SAFB: variants seen among roughly 807,000 people sequenced by gnomAD.
SAFB encodes the protein scaffold attachment factor B1.
SAFB carries 15 observed loss-of-function variants against 101.6 expected under a neutral mutation model. The observed-to-expected ratio is 0.15, with a 90% confidence interval of 0.10 to 0.23. The LOEUF is 0.23. SAFB is among the 10% of genes least tolerant of loss of function. The pLI is 1.00. For synonymous variants in SAFB, 449 were observed against 407.5 expected (o/e 1.10, Z -1.23); for missense variants, 930 against 1,104.1 (o/e 0.84, Z 2.23).
intron 2 of SAFB, among the ~76,000 whole-genome samples, chr19:5,639,420 C>T (rs769566600): frequency 2.4e-4 from 37 of 152,120 alleles, no homozygotes; most frequent in Admixed American, 2.0e-4. Flanking sequence ...GGCCAGGGCG[C>T]GGTGGCTCAT....
intron 9 of SAFB, 37 bp from the exon 10 acceptor site, chr19:5,653,078 T>C: frequency 6.2e-7 from 1 of 1,611,596 alleles, no homozygotes; most frequent in South Asian, 1.1e-5. Flanking sequence ...CTCAGTGGGC[T>C]TCATGTCTGA....
At position 5,635,769 on chromosome 19, in the gene SAFB, C is replaced by T. The variant is rs369678751; in HGVS notation, c.275-5825C>T. ...TCCCAGGCAGGGAGCTACGAGCAGG[C>T]GATAGAGGCGATGACGGTCATGCCC... On this transcript the variant is annotated intron_variant, in intron 2 of 20. Coordinates refer to ENST00000588852, the MANE Select transcript of SAFB (RefSeq NM_001201338.2). Among the ~76,000 whole-genome samples the T allele has an allele frequency of 2.2e-4, 34 of 152,058 alleles. No homozygotes were observed. In the East Asian group the frequency reaches 2.5e-3, roughly 11 times the overall value.
Position 5,653,757 on chromosome 19 carries a change from C to T in SAFB, c.1527-304C>T, listed in dbSNP as rs1188042602. 3.3e-5 allele frequency among the ~76,000 whole-genome samples: 5 copies of T among 150,574 alleles called. No individual in the cohort carries two copies. In the East Asian group the frequency reaches 9.9e-4, roughly 30 times the overall value. ...GGATTACAGGCGTGAGCCACCATGC[C>T]TGGCCGGGGCAGGGTGTTTTAAACA... On this transcript the variant is annotated intron_variant, in intron 11 of 20. Coordinates refer to ENST00000588852, the MANE Select transcript of SAFB (RefSeq NM_001201338.2).
At chr19:5,648,754 G>T (rs1206960495) in intron 6 of SAFB, 1 of 706,346 alleles carries the variant, frequency 1.4e-6, no homozygotes, top group Admixed American at 2.2e-5. Context: ...AGGTTTTGGG[G>T]GTTAAATCTC....
At chr19:5,645,262 T>G in intron 4 of SAFB, 75 bp from the exon 5 acceptor site, 2 of 691,912 alleles carry the variant, frequency 2.9e-6, no homozygotes, top group Non-Finnish European at 5.2e-6. Flanking sequence ...CTGTTCACTT[T>G]TCATTGTACA....
At chr19:5,655,726 GTAT>G (rs1328484791) in intron 13 of SAFB, among the ~76,000 whole-genome samples, 1 of 152,164 alleles carries the variant, frequency 6.6e-6, no homozygotes, top group African/African-American at 2.4e-5. Context: ...CTGTGTGCCA[GTAT>G]TATAATATGT....
rs1217794654 is a variant in SAFB at position 5,663,604 on chromosome 19, C to T, written c.2154-418C>T. On this transcript the variant is annotated intron_variant, in intron 15 of 20. Coordinates refer to ENST00000588852, the MANE Select transcript of SAFB (RefSeq NM_001201338.2). ...GTTCATTATGGTCATCTGTGTATTG[C>T]AGCAGTACATGGCCAGGGCTGCTGG... Among the ~76,000 whole-genome samples the T allele has an allele frequency of 4.6e-5, 7 of 151,470 alleles. No homozygotes were observed. In the East Asian group the frequency reaches 1.4e-3, roughly 29 times the overall value.
chr19:5,628,913 G>T (rs1214247172), intron 2 of SAFB, among the ~76,000 whole-genome samples: 2 of 152,142 alleles, frequency 1.3e-5, no homozygotes, highest in African/African-American at 4.8e-5. Flanking sequence ...GCAAATACTT[G>T]TACTACAGGC....
Position 5,667,756 on chromosome 19 carries a change from A to T in SAFB, c.2558-64A>T, listed in dbSNP as rs2054366578. Reference sequence around the variant, plus strand: ...TCACCAAAGGGAGTGGAGTGGGCTAAATGTGCCGTGGGTTCCACGCCGTGT... The same window carrying T: ...TCACCAAAGGGAGTGGAGTGGGCTATATGTGCCGTGGGTTCCACGCCGTGT... On this transcript the variant is annotated intron_variant, in intron 19 of 20. Coordinates refer to ENST00000588852, the MANE Select transcript of SAFB (RefSeq NM_001201338.2). The surrounding 1 kb of genome is among the most constrained non-coding windows in gnomAD (Gnocchi z 4.0). The T allele has an allele frequency of 6.4e-7, 1 of 1,550,800 alleles. No individual in the cohort carries two copies. The highest frequency in any genetic ancestry group is 1.4e-5 in the African/African-American group (1 of 73,534).
At chr19:5,655,710 C>T (rs1005633980) in intron 13 of SAFB, among the ~76,000 whole-genome samples, 1 of 152,114 alleles carries the variant, frequency 6.6e-6, no homozygotes, top group Non-Finnish European at 1.5e-5. Context: ...TAGGAGCTTT[C>T]AGTCTCTGTG....
At position 5,623,256 on chromosome 19, in the gene SAFB, G is replaced by A. The variant is rs149144520; in HGVS notation, c.51G>A (p.Ala17=). 455 of 1,577,810 alleles carry A rather than the reference G, an allele frequency of 2.9e-4. 3 individuals are homozygous for A. In the African/African-American group the frequency reaches 5.5e-3, roughly 19 times the overall value. The change falls in exon 1 of 21, where the codon GCG becomes GCA. Residue 17 remains alanine, a synonymous_variant. Transcript: ENST00000588852. ...GTGATTCTGGAGCGGCGGGCGCGGCGGCTCTGAGCTCCGCCTCGTCAGAGA... is the reference window on the plus strand; with the variant it reads ...GTGATTCTGGAGCGGCGGGCGCGGCAGCTCTGAGCTCCGCCTCGTCAGAGA... ...GLGDSGAAGA[A]ALSSASSETG... is the part of the protein sequence containing the mutation.
At chr19:5,625,532 A>G (rs2053339067) in intron 1 of SAFB, among the ~76,000 whole-genome samples, 1 of 152,250 alleles carries the variant, frequency 6.6e-6, no homozygotes, top group Non-Finnish European at 1.5e-5. Flanking sequence ...AGTACATGAA[A>G]TGATGTAAAC....
intron 2 of SAFB, among the ~76,000 whole-genome samples, chr19:5,635,181 G>A (rs971107941): frequency 1.3e-5 from 2 of 152,082 alleles, no homozygotes; most frequent in African/African-American, 4.8e-5. Flanking sequence ...TCCTACATTG[G>A]CAAGGGTATT....
At chr19:5,630,105 T>C (rs534125139) in intron 2 of SAFB, among the ~76,000 whole-genome samples, 36 of 152,362 alleles carry the variant, frequency 2.4e-4, no homozygotes, top group African/African-American at 8.7e-4. Context: ...TGACGGTGCC[T>C]ATTTCACTAA....
chr19:5,651,011 G>C lies in SAFB; in HGVS notation c.1232G>C (p.Ser411Thr). The change falls in exon 9 of 21, where the codon AGT (serine) becomes ACT (threonine). Residue 411 changes from serine to threonine, a missense_variant. Around this residue, in one of 7 missense-constraint regions of SAFB, gnomAD observed 68 missense variants for 122.1 expected, o/e 0.56. Transcript: ENST00000588852. ...RSSCGRNFWV[S>T]GLSSTTRATD... ...AGTTGTGGTAGAAATTTCTGGGTTA[G>C]TGGACTCTCTTCTACAACCAGAGCT... 6.2e-7 allele frequency: 1 copy of C among 1,609,452 alleles called. No homozygotes were observed. The highest frequency in any genetic ancestry group is 8.5e-7 in the Non-Finnish European group (1 of 1,177,602).
rs769267323 is a variant in SAFB, at chr19:5,664,019, C to A, written c.2154-3C>A. On this transcript the variant is annotated splice_polypyrimidine_tract_variant and splice_region_variant and intron_variant, in intron 15 of 20. Transcript: ENST00000588852. ...TCTATCTCTGTCTCATGTCCCCTCA[C>A]AGGCGAGATGATGCCTATTGGCCGG... 1.9e-6 allele frequency: 3 copies of A among 1,613,472 alleles called. No individual in the cohort carries two copies. The highest frequency in any genetic ancestry group is 2.5e-6 in the Non-Finnish European group (3 of 1,179,778).
chr19:5,653,180 G>T lies in SAFB; in HGVS notation c.1359G>T (p.Thr453=), dbSNP rs1199546779. 5.0e-6 allele frequency: 8 copies of T among 1,613,976 alleles called. No individual in the cohort carries two copies. The highest frequency in any genetic ancestry group is 1.7e-5 in the Admixed American group (1 of 59,992). The change falls in exon 10 of 21, where the codon ACG becomes ACT. Residue 453 remains threonine, a synonymous_variant. Transcript: ENST00000588852. Reference sequence around the variant, plus strand: ...GAGCTCGCTGTTACGGTTTTGTCACGATGTCCACAGCAGAAGAGGCCACAA... The same window carrying T: ...GAGCTCGCTGTTACGGTTTTGTCACTATGTCCACAGCAGAAGAGGCCACAA... ...SPGARCYGFV[T]MSTAEEATKC... is the part of the protein sequence containing the mutation.
chr19:5,658,442 C>T (rs1015014788), intron 14 of SAFB, among the ~76,000 whole-genome samples: 3 of 152,350 alleles, frequency 2.0e-5, no homozygotes, highest in African/African-American at 7.2e-5. Context: ...TCTCACATCT[C>T]AGCACTTCGG....
In SAFB at chr19:5,626,516, C is replaced by G. The variant is rs368697139; in HGVS notation, c.274+27C>G. 203 of 1,316,426 alleles carry G rather than the reference C, an allele frequency of 1.5e-4. 1 individual carries two copies. Among genetic ancestry groups the G allele is most frequent in the Non-Finnish European group, 1.9e-4 (169 of 911,966 alleles). 81.5% of individuals were successfully genotyped at this position (1,316,426 alleles called of 1,614,324 possible). ...TATGGAGGATTTCATAAGCAAGTTT[C>G]ATGTTAAGTGCTTTCTTCAAAACGA... is the stretch of plus-strand genomic sequence containing the variant. On this transcript the variant is annotated intron_variant, in intron 2 of 20. Transcript: ENST00000588852.
Sources: gnomAD v4.1 joint callset for allele counts (sites outside exome capture counted in the v4.1 genomes callset) on GRCh38, gnomAD v4.1.1 for gene constraint, gnomAD v4.1.1 regional missense constraint, Gnocchi (gnomAD v3.1) non-coding constraint, MANE v1.5 for transcripts, NCBI Gene and HGNC (gene_info 2026-07-23, HGNC 2026-07-21) for gene names.